CDH9: variants seen among roughly 807,000 people sequenced by gnomAD.
CDH9 encodes the protein cadherin 9.
A neutral mutation model predicts 70.9 loss-of-function variants in CDH9; 28 were observed. The ratio of observed to expected loss-of-function variants is 0.40; its 90% CI spans 0.29 to 0.54. The LOEUF (loss-of-function observed/expected upper bound fraction) is 0.54, where lower values mean the gene tolerates loss of function less well. CDH9 is among the 20% of genes least tolerant of loss of function. The probability of loss-of-function intolerance (pLI) is 0.59; values close to 1 mark genes in which losing one functional copy is unlikely to be tolerated. For synonymous variants in CDH9, 409 were observed against 343.1 expected (o/e 1.19, Z -2.12); for missense variants, 874 against 984.4 (o/e 0.89, Z 1.50).
At chr5:26,923,839 G>T (rs906011204) in intron 2 of CDH9, among the ~76,000 whole-genome samples, 1 of 151,920 alleles carries the variant, frequency 6.6e-6, no homozygotes, top group African/African-American at 2.4e-5. Context: ...AAATTAAGAA[G>T]AAAATTAGAA....
At chr5:26,918,583 T>C (rs1488404755) in intron 2 of CDH9, among the ~76,000 whole-genome samples, 1 of 152,210 alleles carries the variant, frequency 6.6e-6, no homozygotes, top group Non-Finnish European at 1.5e-5. Context: ...TGGATAGACT[T>C]GAATTTGAAT....
intron 1 of CDH9, among the ~76,000 whole-genome samples, chr5:27,001,530 T>C (rs915939393): frequency 2.0e-5 from 3 of 152,132 alleles, no homozygotes; most frequent in Middle Eastern, 3.2e-3. Context: ...AAGACACCAA[T>C]GTAAAATCAT....
At chr5:26,914,353 T>C (rs1292801472) in intron 3 of CDH9, among the ~76,000 whole-genome samples, 3 of 151,716 alleles carry the variant, frequency 2.0e-5, no homozygotes, top group Admixed American at 1.3e-4. Context: ...AAAAAAAACA[T>C]GGTATGTGTT....
At chr5:27,001,984 T>A (rs1338092895) in intron 1 of CDH9, among the ~76,000 whole-genome samples, 1 of 151,554 alleles carries the variant, frequency 6.6e-6, no homozygotes, top group Non-Finnish European at 1.5e-5. Flanking sequence ...TAAAGAAGAA[T>A]TCCTACAGAG....
intron 2 of CDH9, among the ~76,000 whole-genome samples, chr5:26,977,949 C>A (rs540186732): frequency 1.1e-4 from 16 of 152,034 alleles, no homozygotes; most frequent in Admixed American, 1.0e-3. Context: ...AGAAGGGTTA[C>A]ACTACAGGAC....
At chr5:26,992,108 C>T (rs570873513) in intron 1 of CDH9, among the ~76,000 whole-genome samples, 47 of 152,252 alleles carry the variant, frequency 3.1e-4, no homozygotes, top group Admixed American at 1.9e-3. Flanking sequence ...ATCCCTTGCA[C>T]GCCCAGCTCA....
intron 1 of CDH9, among the ~76,000 whole-genome samples, chr5:26,988,684 T>A (rs758961714): frequency 1.4e-4 from 21 of 152,150 alleles, no homozygotes; most frequent in Non-Finnish European, 2.4e-4. Context: ...AAAAATAAGT[T>A]CTACAGCATA....
chr5:26,932,009 A>G (rs764303847), intron 2 of CDH9, among the ~76,000 whole-genome samples: 5 of 152,226 alleles, frequency 3.3e-5, no homozygotes, highest in Non-Finnish European at 5.9e-5. Flanking sequence ...GCATAGGCAC[A>G]ACATAGTCAA....
At chr5:26,883,303 G>A (rs985504761) in intron 11 of CDH9, among the ~76,000 whole-genome samples, 1 of 150,994 alleles carries the variant, frequency 6.6e-6, no homozygotes, top group Non-Finnish European at 1.5e-5. Context: ...TGTATTAAGG[G>A]TTTCTCAACT....
intron 1 of CDH9, among the ~76,000 whole-genome samples, chr5:27,008,657 GA>G (rs1742907810): frequency 6.6e-6 from 1 of 152,030 alleles, no homozygotes; most frequent in Non-Finnish European, 1.5e-5. Context: ...AACTATAAAT[GA>G]TATTTGAGAG....
chr5:26,881,862 C>T (rs1009962893), intron 11 of CDH9, among the ~76,000 whole-genome samples: 2 of 152,084 alleles, frequency 1.3e-5, no homozygotes, highest in Non-Finnish European at 2.9e-5. Context: ...CTATGAACTT[C>T]TGGCTTTATT....
chr5:27,034,957 GA>G (rs1263471722), intron 1 of CDH9, among the ~76,000 whole-genome samples: 55 of 151,096 alleles, frequency 3.6e-4, no homozygotes, highest in African/African-American at 1.3e-3. Context: ...ACTCATAAGA[GA>G]AAAAAAATTT....
rs1743247625 is a variant in CDH9, at chr5:27,027,922, G to T, written c.-50+10541C>A. 2.0e-5 allele frequency among the ~76,000 whole-genome samples: 3 copies of T among 151,952 alleles called. 1 individual carries two copies. Among genetic ancestry groups the T allele is most frequent in the Admixed American group, 2.0e-4 (3 of 15,218 alleles). ...TAAGCAGTCCATACATTTTTGGGGG[G>T]ATATGAAACTCTCTATGGATAACAT... is the stretch of plus-strand genomic sequence containing the variant. On this transcript the variant is annotated intron_variant, in intron 1 of 11. Coordinates refer to ENST00000231021, the MANE Select transcript of CDH9 (RefSeq NM_016279.4).
chr5:27,027,372 G>C (rs868166443), intron 1 of CDH9, among the ~76,000 whole-genome samples: 1 of 151,904 alleles, frequency 6.6e-6, no homozygotes, highest in Non-Finnish European at 1.5e-5. Flanking sequence ...ATTAATCTAG[G>C]CCACTGTCCT....
At chr5:26,919,141 C>T (rs970587236) in intron 2 of CDH9, among the ~76,000 whole-genome samples, 1 of 151,880 alleles carries the variant, frequency 6.6e-6, no homozygotes, top group African/African-American at 2.4e-5. Context: ...CTGATTTTAC[C>T]ATCATATTAA....
chr5:26,986,620 T>C (rs969282878), intron 2 of CDH9, among the ~76,000 whole-genome samples: 3 of 152,146 alleles, frequency 2.0e-5, no homozygotes, highest in Non-Finnish European at 4.4e-5. Flanking sequence ...GTGGCTATTC[T>C]TCTGTATCTG....
intron 2 of CDH9, among the ~76,000 whole-genome samples, chr5:26,918,071 G>T (rs1014853554): frequency 6.6e-6 from 1 of 151,954 alleles, no homozygotes; most frequent in African/African-American, 2.4e-5. Context: ...ATACATCCAG[G>T]ATAATCTGGC....
At chr5:26,962,595 G>T (rs1029650322) in intron 2 of CDH9, among the ~76,000 whole-genome samples, 2 of 152,012 alleles carry the variant, frequency 1.3e-5, no homozygotes, top group Non-Finnish European at 2.9e-5. Context: ...TTTTTTGTAA[G>T]TTTGTTGGCT....
intron 1 of CDH9, among the ~76,000 whole-genome samples, chr5:27,009,117 T>C (rs1742914716): frequency 1.3e-5 from 2 of 152,048 alleles, no homozygotes; most frequent in Admixed American, 1.3e-4. Flanking sequence ...CGCAGAAAAA[T>C]ACTCAAGAAA....
Sources: allele counts gnomAD v4.1 joint callset (sites outside exome capture counted in the v4.1 genomes callset), GRCh38; gene constraint gnomAD v4.1.1; transcripts MANE v1.5; gene names NCBI Gene and HGNC (gene_info 2026-07-23, HGNC 2026-07-21).